ATF7IP: variants seen among roughly 807,000 people sequenced by gnomAD.
ATF7IP encodes the protein activating transcription factor 7-interacting protein 1.
A neutral mutation model predicts 106.4 loss-of-function variants in ATF7IP; 23 were observed. The observed-to-expected ratio is 0.22, with a 90% CI of 0.16 to 0.31. The LOEUF is 0.31. Among genes scored for constraint, ATF7IP ranks in the 10% least tolerant of loss-of-function variants. The pLI is 1.00. For missense variants in ATF7IP, 1,334 were observed against 1,524.3 expected (o/e 0.88, Z 2.08); for synonymous variants, 542 against 539.0 (o/e 1.01, Z -0.08).
intron 5 of ATF7IP, among the ~76,000 whole-genome samples, chr12:14,438,587 G>A (rs1942535039): frequency 6.6e-6 from 1 of 152,108 alleles, no homozygotes; most frequent in Non-Finnish European, 1.5e-5. Context: ...TTGGTTTGCG[G>A]ACAGTTCTTT....
At chr12:14,470,566 G>A (rs1316873045) in intron 10 of ATF7IP, among the ~76,000 whole-genome samples, 1 of 152,178 alleles carries the variant, frequency 6.6e-6, no homozygotes, top group Admixed American at 6.5e-5. Flanking sequence ...CAGTCAGACA[G>A]CCTGGAGCCT....
At chr12:14,423,398 T>C (rs1941638982) in intron 1 of ATF7IP, among the ~76,000 whole-genome samples, 1 of 152,042 alleles carries the variant, frequency 6.6e-6, no homozygotes, top group Non-Finnish European at 1.5e-5. Context: ...TCTTTCTTGA[T>C]GGTAATCTTT....
intron 1 of ATF7IP, among the ~76,000 whole-genome samples, chr12:14,396,647 CA>C (rs1321416778): frequency 6.6e-6 from 1 of 152,024 alleles, no homozygotes; most frequent in Non-Finnish European, 1.5e-5. Context: ...AAAAGTTTTT[CA>C]AACTTCTCTT....
chr12:14,500,388 A>G lies in ATF7IP; in HGVS notation c.*2315A>G, dbSNP rs927783719. ...AAATGAGACCACAAAGGAGTATGCT[A>G]TAAATCAAATTTGCCAACCAATTAT... is the stretch of plus-strand genomic sequence containing the variant. On this transcript the variant is annotated 3_prime_UTR_variant, in exon 15 of 15. Coordinates refer to ENST00000261168, the MANE Select transcript of ATF7IP (RefSeq NM_018179.5). 1.3e-5 allele frequency: 2 copies of G among 152,242 alleles called. No homozygotes were observed. The highest frequency in any genetic ancestry group is 4.8e-5 in the African/African-American group (2 of 41,468). 9.4% of individuals were successfully genotyped at this position (152,242 alleles called of 1,614,324 possible).
chr12:14,412,919 C>T (rs979495946), intron 1 of ATF7IP, among the ~76,000 whole-genome samples: 5 of 152,162 alleles, frequency 3.3e-5, no homozygotes, highest in African/African-American at 9.7e-5. Context: ...GAGGCTGAGG[C>T]ATGAGAATCA....
At position 14,496,458 on chromosome 12, in the gene ATF7IP, G is replaced by A. The variant is rs183839023; in HGVS notation, c.3393+115G>A. On this transcript the variant is annotated intron_variant, in intron 14 of 14. Transcript: ENST00000261168. ...TCCAAGGGAAGTGTTAGGTCTTCCTGCTTTTTCAGAAGTTTATTTCTAAAA... is the reference window on the plus strand; with the variant it reads ...TCCAAGGGAAGTGTTAGGTCTTCCTACTTTTTCAGAAGTTTATTTCTAAAA... The A allele has an allele frequency of 1.6e-5, 10 of 631,914 alleles. No individual in the cohort carries two copies. In the East Asian group the frequency reaches 2.9e-4, roughly 18 times the overall value. The allele number at this position is 631,914 out of a possible 1,614,324, so 39.1% of individuals were successfully genotyped here.
intron 1 of ATF7IP, among the ~76,000 whole-genome samples, chr12:14,394,580 C>G (rs1939736520): frequency 6.6e-6 from 1 of 152,132 alleles, no homozygotes; most frequent in Non-Finnish European, 1.5e-5. Context: ...TGTAAATTGT[C>G]CTTACTGGCG....
At position 14,462,055 on chromosome 12, in the gene ATF7IP, C is replaced by T. The variant is rs182069255; in HGVS notation, c.2797+922C>T. Among the ~76,000 whole-genome samples the T allele has an allele frequency of 1.2e-4, 19 of 152,102 alleles. No individual in the cohort carries two copies. The East Asian group carries it at 1.7e-3, about 14-fold the overall frequency. On this transcript the variant is annotated intron_variant, in intron 9 of 14. Coordinates refer to ENST00000261168, the MANE Select transcript of ATF7IP (RefSeq NM_018179.5). ...AGTGTTTTCTCATATAAAACAATGA[C>T]GGTATTTCACAGAGTTGTTAAGAAA... is the stretch of plus-strand genomic sequence containing the variant.
intron 1 of ATF7IP, among the ~76,000 whole-genome samples, chr12:14,384,379 A>C (rs575445527): frequency 6.6e-6 from 1 of 152,188 alleles, no homozygotes; most frequent in East Asian, 1.9e-4. Context: ...CATTTGTTGG[A>C]GCTCTTTCAA....
intron 1 of ATF7IP, among the ~76,000 whole-genome samples, chr12:14,396,178 T>C (rs1324748697): frequency 6.6e-6 from 1 of 152,118 alleles, no homozygotes; most frequent in Admixed American, 6.6e-5. Context: ...TAGAGTAGTG[T>C]ATCAAAGAAA....
At chr12:14,412,985 G>T (rs1345764308) in intron 1 of ATF7IP, among the ~76,000 whole-genome samples, 1 of 152,226 alleles carries the variant, frequency 6.6e-6, no homozygotes, top group African/African-American at 2.4e-5. Flanking sequence ...GTGCACTGCA[G>T]CCTGGGTGAC....
rs189880026 is a variant in ATF7IP at position 14,458,920 on chromosome 12, A to G, written c.2159-1575A>G. On this transcript the variant is annotated intron_variant, in intron 8 of 14. Coordinates refer to ENST00000261168, the MANE Select transcript of ATF7IP (RefSeq NM_018179.5). ...TGAAAACTATTCACCAAGTTATGCA[A>G]ATCTTCCAAATGACACATTTTATTA... Among the ~76,000 whole-genome samples, 189 of 152,308 alleles carry G rather than the reference A, an allele frequency of 1.2e-3. 2 individuals carry two copies. Among genetic ancestry groups the G allele is most frequent in the African/African-American group, 4.4e-3 (181 of 41,586 alleles).
At chr12:14,474,994 G>T (rs533043080) in intron 10 of ATF7IP, among the ~76,000 whole-genome samples, 1 of 152,238 alleles carries the variant, frequency 6.6e-6, no homozygotes, top group East Asian at 1.9e-4. Context: ...ATTGTCTTGG[G>T]ATTGGGCCTG....
chr12:14,496,108 G>C, intron 13 of ATF7IP, 123 bp from the exon 14 acceptor site: 1 of 654,202 alleles, frequency 1.5e-6, no homozygotes, highest in Non-Finnish European at 2.7e-6. Flanking sequence ...CTCTAGGTTA[G>C]AAATATCTTT....
intron 4 of ATF7IP, among the ~76,000 whole-genome samples, chr12:14,437,621 A>G (rs889990608): frequency 6.6e-6 from 1 of 152,174 alleles, no homozygotes; most frequent in African/African-American, 2.4e-5. Context: ...GAAATTTTCT[A>G]TTTTTAGTAT....
intron 1 of ATF7IP, among the ~76,000 whole-genome samples, chr12:14,395,992 A>G (rs993601025): frequency 6.6e-6 from 1 of 152,234 alleles, no homozygotes; most frequent in African/African-American, 2.4e-5. Context: ...TTGCAATAAA[A>G]ATAATCTACT....
intron 2 of ATF7IP, among the ~76,000 whole-genome samples, chr12:14,426,648 G>A (rs1941860038): frequency 6.7e-6 from 1 of 149,986 alleles, no homozygotes; most frequent in Non-Finnish European, 1.5e-5. Flanking sequence ...GCAACATGGT[G>A]AGACCCCGTC....
chr12:14,459,079 T>C (rs983356157), intron 8 of ATF7IP, among the ~76,000 whole-genome samples: 7 of 152,238 alleles, frequency 4.6e-5, no homozygotes, highest in African/African-American at 1.7e-4. Context: ...TTAGTTTTGC[T>C]TTAAAACCCA....
At chr12:14,389,623 GTTTTTTGTT>G (rs1173206302) in intron 1 of ATF7IP, among the ~76,000 whole-genome samples, 2 of 151,990 alleles carry the variant, frequency 1.3e-5, no homozygotes, top group Non-Finnish European at 2.9e-5. Context: ...CTAATTGTTT[GTTTTTTGTT>G]TTTTTTGTTT....
Sources: gnomAD v4.1 joint callset for allele counts (sites outside exome capture counted in the v4.1 genomes callset) on GRCh38, gnomAD v4.1.1 for gene constraint, MANE v1.5 for transcripts, NCBI Gene and HGNC (gene_info 2026-07-23, HGNC 2026-07-21) for gene names.